Variants in KCNK2 observed in about 807,000 individuals in gnomAD.
The protein encoded by KCNK2 is potassium channel subfamily K member 2.
KCNK2 carries 21 observed loss-of-function variants against 40.5 expected under a neutral mutation model. That is an observed-to-expected ratio of 0.52 (90% CI 0.37 to 0.75). The LOEUF (loss-of-function observed/expected upper bound fraction) is 0.75. Ranked by LOEUF, KCNK2 falls within the 30% of genes least tolerant of loss-of-function variation. KCNK2 has a pLI of 0.00. For synonymous variants in KCNK2, 191 were observed against 202.2 expected, an observed-to-expected ratio of 0.94 and a Z score of 0.47; for missense variants, 399 against 531.6, an observed-to-expected ratio of 0.75 and a Z score of 2.45.
chr1:215,143,327 T>C (rs56373924), intron 3 of KCNK2, among the ~76,000 whole-genome samples: 1,552 of 152,204 alleles, frequency 0.01, 26 homozygotes, highest in South Asian at 0.077. Context: ...AGATTTGCCT[T>C]TGTACACTGG....
In KCNK2 at chr1:215,209,833, A is replaced by C. The variant is rs74989940; in HGVS notation, c.963+14741A>C. Reference sequence around the variant, plus strand: ...ATATATAAATATATATTATATATAAAATATATATTATATAACATATATAAT... The same window carrying C: ...ATATATAAATATATATTATATATAACATATATATTATATAACATATATAAT... On this transcript the variant is annotated intron_variant, in intron 6 of 6. Coordinates refer to ENST00000444842, the MANE Select transcript of KCNK2 (RefSeq NM_001017425.3). 7.9e-4 allele frequency among the ~76,000 whole-genome samples: 57 copies of C among 72,332 alleles called. 1 individual carries two copies. The highest frequency in any genetic ancestry group is 7.0e-3 in the Middle Eastern group (1 of 142). The allele number at this position is 72,332 out of a possible 152,430, so 47.5% of individuals were successfully genotyped here.
intron 2 of KCNK2, among the ~76,000 whole-genome samples, chr1:215,120,451 GT>G (rs1297847881): frequency 6.6e-6 from 1 of 152,110 alleles, no homozygotes; most frequent in Non-Finnish European, 1.5e-5. Context: ...AAATGAACGT[GT>G]TGAAGAAATG....
intron 1 of KCNK2, among the ~76,000 whole-genome samples, chr1:215,058,311 G>GTCTTT (rs1370211799): frequency 6.6e-6 from 1 of 152,106 alleles, no homozygotes; most frequent in African/African-American, 2.4e-5. Flanking sequence ...TTGCACTTCT[G>GTCTTT]TCTTTTAGCA....
chr1:215,045,862 T>C (rs1657749056), intron 1 of KCNK2, among the ~76,000 whole-genome samples: 1 of 152,226 alleles, frequency 6.6e-6, no homozygotes, highest in South Asian at 2.1e-4. Flanking sequence ...GTTTTATGAA[T>C]GTGTCCCTTG....
chr1:215,198,832 A>T (rs963112767), intron 6 of KCNK2, among the ~76,000 whole-genome samples: 1 of 152,204 alleles, frequency 6.6e-6, no homozygotes, highest in Admixed American at 6.5e-5. Flanking sequence ...AAAATTAAAT[A>T]TAGCTTCAAA....
At chr1:215,007,470 G>A (rs1656221286) in intron 1 of KCNK2, among the ~76,000 whole-genome samples, 1 of 151,794 alleles carries the variant, frequency 6.6e-6, no homozygotes, top group African/African-American at 2.4e-5. Flanking sequence ...AATTTCTAGA[G>A]TGGCAGAAGA....
At chr1:215,230,092 T>TACACAC (rs59050433) in intron 6 of KCNK2, among the ~76,000 whole-genome samples, 120 of 141,254 alleles carry the variant, frequency 8.5e-4, no homozygotes, top group Admixed American at 1.6e-3. Context: ...TGTGTGTGTA[T>TACACAC]ACACACACAC....
chr1:215,077,273 C>A (rs1658978178), intron 1 of KCNK2, among the ~76,000 whole-genome samples: 1 of 152,186 alleles, frequency 6.6e-6, no homozygotes, highest in South Asian at 2.1e-4. Context: ...AAAGACATTT[C>A]ATCGAAGTAC....
At chr1:215,215,655 G>A (rs187368929) in intron 6 of KCNK2, among the ~76,000 whole-genome samples, 2 of 152,248 alleles carry the variant, frequency 1.3e-5, no homozygotes, top group Non-Finnish European at 2.9e-5. Context: ...ATACTGTTTA[G>A]GAACATTTGT....
chr1:215,085,882 T>C (rs1313171744), intron 1 of KCNK2, among the ~76,000 whole-genome samples: 1 of 152,248 alleles, frequency 6.6e-6, no homozygotes, highest in Non-Finnish European at 1.5e-5. Flanking sequence ...TCATTTATTG[T>C]AATAAATTTT....
intron 2 of KCNK2, among the ~76,000 whole-genome samples, chr1:215,093,663 T>C (rs1390248962): frequency 1.2e-5 from 1 of 86,708 alleles, no homozygotes; most frequent in Admixed American, 1.7e-4. Context: ...ATATAGGATA[T>C]ATATAGAATA....
At chr1:215,122,793 T>C (rs2102578547) in intron 2 of KCNK2, among the ~76,000 whole-genome samples, 1 of 147,652 alleles carries the variant, frequency 6.8e-6, no homozygotes, top group South Asian at 2.2e-4. Context: ...TCGCCCAGGC[T>C]GGAGTGCAGT....
intron 6 of KCNK2, among the ~76,000 whole-genome samples, chr1:215,208,405 C>G (rs1045259766): frequency 6.6e-6 from 1 of 152,016 alleles, no homozygotes; most frequent in Non-Finnish European, 1.5e-5. Flanking sequence ...TATTGGGTAC[C>G]GGGCTTAATA....
chr1:215,152,945 A>G (rs1192608495), intron 3 of KCNK2, among the ~76,000 whole-genome samples: 1 of 152,212 alleles, frequency 6.6e-6, no homozygotes, highest in Non-Finnish European at 1.5e-5. Context: ...AAATGTAACA[A>G]TAAACTACTG....
chr1:215,054,783 C>G (rs767738566), intron 1 of KCNK2, among the ~76,000 whole-genome samples: 7 of 152,152 alleles, frequency 4.6e-5, no homozygotes, highest in Non-Finnish European at 8.8e-5. Context: ...CCACACAAAC[C>G]AATCAAGGCT....
chr1:215,050,068 T>C (rs978889156), intron 1 of KCNK2, among the ~76,000 whole-genome samples: 27 of 152,196 alleles, frequency 1.8e-4, no homozygotes, highest in African/African-American at 5.8e-4. Flanking sequence ...ATAAGAGTTG[T>C]ATTAAACCTA....
chr1:215,124,771 G>A, intron 3 of KCNK2, 21 bp downstream of exon 3: 3 of 1,431,052 alleles, frequency 2.1e-6, no homozygotes, highest in Non-Finnish European at 3.0e-6. Flanking sequence ...ACTTATTTTT[G>A]TTTTTTGTTT....
At chr1:215,128,649 G>T (rs1366012714) in intron 3 of KCNK2, among the ~76,000 whole-genome samples, 1 of 152,180 alleles carries the variant, frequency 6.6e-6, no homozygotes, top group Non-Finnish European at 1.5e-5. Flanking sequence ...ACTGTGACTT[G>T]AAGAAAATGT....
At chr1:215,169,051 T>C in intron 3 of KCNK2, 148 bp from the exon 4 acceptor site, 2 of 552,516 alleles carry the variant, frequency 3.6e-6, no homozygotes, top group Non-Finnish European at 6.3e-6. Context: ...TTAGAACATA[T>C]TACAATAGTA....
Sources: gnomAD v4.1 joint callset for allele counts (sites outside exome capture counted in the v4.1 genomes callset) on GRCh38, gnomAD v4.1.1 for gene constraint, MANE v1.5 for transcripts, NCBI Gene and HGNC (gene_info 2026-07-23, HGNC 2026-07-21) for gene names.